Variants in CAPZA1 observed in about 807,000 individuals in gnomAD.
CAPZA1 encodes the protein F-actin-capping protein subunit alpha-1.
CAPZA1 carries 10 observed loss-of-function variants against 40.8 expected under a neutral mutation model. The ratio of observed to expected loss-of-function variants is 0.25; its 90% CI spans 0.15 to 0.42. The LOEUF is 0.42. Among genes scored for constraint, CAPZA1 ranks in the 10% least tolerant of loss-of-function variants. The probability of loss-of-function intolerance (pLI) is 1.00; values close to 1 mark genes in which losing one functional copy is unlikely to be tolerated. For missense variants in CAPZA1, 277 were observed against 353.8 expected (o/e 0.78, Z 1.74); for synonymous variants, 98 against 115.0 (o/e 0.85, Z 0.95).
rs1260417895 is a variant in CAPZA1, at chr1:112,638,926, A to ATATAGATATAGC, written c.40-8273_40-8272insCTATAGATATAG. ...GATATAGATATAGATATAGATATAG[A>ATATAGATATAGC]TATAGATATAGGTATAGATATAGAG... On this transcript the variant is annotated intron_variant, in intron 1 of 9. Coordinates refer to ENST00000263168, the MANE Select transcript of CAPZA1 (RefSeq NM_006135.3). Among the ~76,000 whole-genome samples the ATATAGATATAGC allele has an allele frequency of 1.2e-3, 175 of 148,484 alleles. 2 individuals are homozygous for ATATAGATATAGC. The highest frequency in any genetic ancestry group is 4.2e-3 in the African/African-American group (168 of 40,340).
At chr1:112,623,053 T>C (rs1220063560) in intron 1 of CAPZA1, among the ~76,000 whole-genome samples, 2 of 152,010 alleles carry the variant, frequency 1.3e-5, no homozygotes, top group Non-Finnish European at 2.9e-5. Context: ...ACCCGGCTAA[T>C]TTTTTGTATT....
At chr1:112,639,716 G>A (rs1366585744) in intron 1 of CAPZA1, among the ~76,000 whole-genome samples, 1 of 152,080 alleles carries the variant, frequency 6.6e-6, no homozygotes, top group Non-Finnish European at 1.5e-5. Context: ...AAAAATTAAA[G>A]GATGAGGGAT....
In CAPZA1 at chr1:112,671,457, TCAAG is replaced by T. The variant is rs1671832086; in HGVS notation, c.*1330_*1333del. 2 of 152,674 alleles carry T rather than the reference TCAAG, an allele frequency of 1.3e-5. No homozygotes were observed. The highest frequency in any genetic ancestry group is 4.1e-4 in the South Asian group (2 of 4,836). The allele number at this position is 152,674 out of a possible 1,614,324, so 9.5% of individuals were successfully genotyped here. A position where few individuals can be genotyped will look rare whatever the true frequency, so the allele number is the denominator to read the frequency against. ...GTTTTGTTTCTGCTCAGTAATATAG[TCAAG>T]CAAGTTTGTTCCAGGTGACCCATTG... On this transcript the variant is annotated 3_prime_UTR_variant, in exon 10 of 10. Transcript: ENST00000263168.
chr1:112,655,783 G>A (rs892267983), intron 5 of CAPZA1, among the ~76,000 whole-genome samples: 10 of 151,936 alleles, frequency 6.6e-5, no homozygotes, highest in Non-Finnish European at 1.0e-4. Flanking sequence ...GGCTGGTCTC[G>A]AACTCCTAAC....
At chr1:112,646,934 T>G (rs1039495304) in intron 1 of CAPZA1, 1 of 246,202 alleles carries the variant, frequency 4.1e-6, no homozygotes, top group African/African-American at 2.2e-5. Context: ...TTTTTGTGAA[T>G]GTAATGTATT....
At chr1:112,662,278 T>C (rs180936571) in intron 7 of CAPZA1, among the ~76,000 whole-genome samples, 368 of 152,192 alleles carry the variant, frequency 2.4e-3, no homozygotes, top group African/African-American at 8.2e-3. Context: ...CTGGCCAACT[T>C]TTTTTATTTT....
intron 1 of CAPZA1, among the ~76,000 whole-genome samples, chr1:112,633,014 T>G (rs1570703578): frequency 6.6e-6 from 1 of 152,364 alleles, no homozygotes; most frequent in East Asian, 1.9e-4. Flanking sequence ...TCTAAGTACA[T>G]TCTGTGTATC....
intron 5 of CAPZA1, among the ~76,000 whole-genome samples, chr1:112,655,955 T>C (rs1392110018): frequency 1.3e-5 from 2 of 152,158 alleles, no homozygotes; most frequent in Non-Finnish European, 2.9e-5. Context: ...AAGAAAAATA[T>C]TGATTAGAAT....
intron 7 of CAPZA1, among the ~76,000 whole-genome samples, chr1:112,665,407 T>C (rs991370301): frequency 6.6e-6 from 1 of 152,080 alleles, no homozygotes; most frequent in Non-Finnish European, 1.5e-5. Flanking sequence ...TTCGAACTCC[T>C]GACCTCAAGT....
Position 112,660,838 on chromosome 1 carries a change from C to CTT in CAPZA1, c.585+1083_585+1084dup, listed in dbSNP as rs67876993. Among the ~76,000 whole-genome samples, 467 of 65,942 alleles carry CTT rather than the reference C, an allele frequency of 7.1e-3. 2 individuals are homozygous for CTT. Among genetic ancestry groups the CTT allele is most frequent in the African/African-American group, 0.013 (191 of 14,684 alleles). 43.3% of individuals were successfully genotyped at this position (65,942 alleles called of 152,430 possible). A position where few individuals can be genotyped will look rare whatever the true frequency, so the allele number is the denominator to read the frequency against. On this transcript the variant is annotated intron_variant, in intron 7 of 9. Coordinates refer to ENST00000263168, the MANE Select transcript of CAPZA1 (RefSeq NM_006135.3). ...TTTAACAACAATTACCAAGAGTTGT[C>CTT]TTTTTTTTTTTTTTTTTTTTTTTTT... is the stretch of plus-strand genomic sequence containing the variant.
chr1:112,642,721 C>T (rs779757192), intron 1 of CAPZA1, among the ~76,000 whole-genome samples: 1 of 152,108 alleles, frequency 6.6e-6, no homozygotes, highest in Non-Finnish European at 1.5e-5. Context: ...TTTTTATATG[C>T]GGTATCAGTT....
At chr1:112,647,089 A>G in intron 1 of CAPZA1, 121 bp from the exon 2 acceptor site, 1 of 479,230 alleles carries the variant, frequency 2.1e-6, no homozygotes, top group East Asian at 3.3e-5. Flanking sequence ...CTAAACAGTA[A>G]ATGTTTAAAC....
intron 8 of CAPZA1, among the ~76,000 whole-genome samples, chr1:112,668,333 AATG>A (rs1248833767): frequency 6.6e-6 from 1 of 152,232 alleles, no homozygotes; most frequent in African/African-American, 2.4e-5. Context: ...AATTAAAAAT[AATG>A]ATAACAAACC....
chr1:112,654,788 C>G lies in CAPZA1; in HGVS notation c.426+117C>G, dbSNP rs529295685. ...CTTCTTAGCCATGCTCTCTTCTCCT[C>G]TGCATTTTATTCCCTAAATCATTTT... On this transcript the variant is annotated intron_variant, in intron 5 of 9. Coordinates refer to ENST00000263168, the MANE Select transcript of CAPZA1 (RefSeq NM_006135.3). 2.7e-4 allele frequency: 160 copies of G among 598,038 alleles called. No individual in the cohort carries two copies. In the African/African-American group the frequency reaches 2.8e-3, roughly 10 times the overall value. 37.0% of individuals were successfully genotyped at this position (598,038 alleles called of 1,614,324 possible). A position where few individuals can be genotyped will look rare whatever the true frequency, so the allele number is the denominator to read the frequency against.
chr1:112,666,421 G>T (rs1288814870), intron 7 of CAPZA1, among the ~76,000 whole-genome samples: 3 of 152,164 alleles, frequency 2.0e-5, no homozygotes, highest in African/African-American at 7.2e-5. Flanking sequence ...CCTATCTTAA[G>T]TTGCCAAAAC....
At chr1:112,625,854 C>G (rs561768680) in intron 1 of CAPZA1, 2 of 152,380 alleles carry the variant, frequency 1.3e-5, no homozygotes, top group African/African-American at 2.4e-5. Flanking sequence ...AGTCTAACAT[C>G]AGCTTGTTGG....
At chr1:112,640,383 G>A (rs1378959233) in intron 1 of CAPZA1, among the ~76,000 whole-genome samples, 2 of 116,684 alleles carry the variant, frequency 1.7e-5, no homozygotes, top group Admixed American at 9.1e-5. Context: ...CCCCCCACCC[G>A]GCCAGCCGCC....
intron 1 of CAPZA1, among the ~76,000 whole-genome samples, chr1:112,642,144 T>C (rs1671180554): frequency 6.6e-6 from 1 of 151,084 alleles, no homozygotes; most frequent in African/African-American, 2.4e-5. Flanking sequence ...TCCTTGATCT[T>C]AACTACTCAT....
At chr1:112,625,235 C>G (rs1042891000) in intron 1 of CAPZA1, among the ~76,000 whole-genome samples, 1 of 152,174 alleles carries the variant, frequency 6.6e-6, no homozygotes, top group African/African-American at 2.4e-5. Flanking sequence ...CATTTGACCC[C>G]TCTGGGAGCA....
Sources: gnomAD v4.1 joint callset for allele counts (sites outside exome capture counted in the v4.1 genomes callset) on GRCh38, gnomAD v4.1.1 for gene constraint, MANE v1.5 for transcripts, NCBI Gene and HGNC (gene_info 2026-07-23, HGNC 2026-07-21) for gene names.